The following ADGB variants were observed in gnomAD, a reference collection of about 807,000 sequenced individuals.
ADGB encodes the protein androglobin.
In ADGB, 172 loss-of-function variants were observed where a neutral mutation model predicts 210.5. The observed-to-expected ratio is 0.82, with a 90% CI of 0.72 to 0.93. The LOEUF (loss-of-function observed/expected upper bound fraction) is 0.93. ADGB is among the 40% of genes least tolerant of loss of function. The pLI, the probability that ADGB is intolerant of heterozygous loss-of-function variation, is 0.00. For synonymous variants in ADGB, 658 were observed against 662.7 expected, an observed-to-expected ratio of 0.99 and a Z score of 0.11; for missense variants, 2,025 against 1,964.8, an observed-to-expected ratio of 1.03 and a Z score of -0.58.
chr6:146,758,970 T>C (rs1263614259), intron 27 of ADGB, among the ~76,000 whole-genome samples: 1 of 152,034 alleles, frequency 6.6e-6, no homozygotes, highest in African/African-American at 2.4e-5. Context: ...AAATTGATGC[T>C]ATTAATTTGT....
Position 146,618,454 on chromosome 6 carries a change from ATTAAG to A in ADGB, c.75-16917_75-16913del, listed in dbSNP as rs776017758. On this transcript the variant is annotated intron_variant, in intron 1 of 35. Coordinates refer to ENST00000397944, the MANE Select transcript of ADGB (RefSeq NM_024694.4). Reference sequence around the variant, plus strand: ...CCTTTCTAGTTCCTTGAAGTGCATTATTAAGTTATTTGGTCTTTCTACTTTTTTGA... The same window carrying A: ...CCTTTCTAGTTCCTTGAAGTGCATTATTATTTGGTCTTTCTACTTTTTTGA... Among the ~76,000 whole-genome samples, 81 of 151,888 alleles carry A rather than the reference ATTAAG, an allele frequency of 5.3e-4. 1 individual carries two copies. Among genetic ancestry groups the A allele is most frequent in the Non-Finnish European group, 2.2e-4 (15 of 67,888 alleles).
intron 16 of ADGB, 79 bp from the exon 17 acceptor site, chr6:146,721,324 T>C (rs1339275099): frequency 3.3e-6 from 3 of 897,528 alleles, no homozygotes; most frequent in Non-Finnish European, 5.3e-6. Context: ...TTAGATGTTA[T>C]ACTATGTTTT....
chr6:146,693,856 C>A (rs572446045), intron 12 of ADGB, among the ~76,000 whole-genome samples: 2 of 152,180 alleles, frequency 1.3e-5, no homozygotes, highest in African/African-American at 4.8e-5. Flanking sequence ...CAGCCAAAGT[C>A]TTTGCCTAAC....
intron 13 of ADGB, among the ~76,000 whole-genome samples, chr6:146,708,004 T>C (rs1486403325): frequency 6.6e-6 from 1 of 152,102 alleles, no homozygotes; most frequent in Non-Finnish European, 1.5e-5. Context: ...TGTAACTTTA[T>C]GAATACCATG....
At chr6:146,786,982 G>A (rs1777883517) in intron 32 of ADGB, among the ~76,000 whole-genome samples, 1 of 152,120 alleles carries the variant, frequency 6.6e-6, no homozygotes, top group Non-Finnish European at 1.5e-5. Flanking sequence ...CAACAGTCCA[G>A]GTGAGGGAGT....
intron 14 of ADGB, among the ~76,000 whole-genome samples, chr6:146,715,727 G>T (rs1401403430): frequency 6.6e-6 from 1 of 152,082 alleles, no homozygotes; most frequent in Non-Finnish European, 1.5e-5. Flanking sequence ...ACTTGGCCAA[G>T]AATTGAATTC....
intron 33 of ADGB, among the ~76,000 whole-genome samples, chr6:146,790,355 C>T (rs112630853): frequency 3.3e-4 from 50 of 152,204 alleles, no homozygotes; most frequent in African/African-American, 1.1e-3. Context: ...TACACTATGA[C>T]CCCCCAGCCT....
chr6:146,740,464 T>C lies in ADGB; in HGVS notation c.2894T>C (p.Met965Thr), dbSNP rs757275054. ...ATTTATTTTTATATTTCTAGACTAA[T>C]GTTTAAAAGCAAGTGCAAGTCTTTG... ...EQYAVSLLRL[M>T]FKSKCKSLES... The change falls in exon 24 of 36, where the codon ATG (methionine) becomes ACG (threonine). Residue 965 changes from methionine (M) to threonine (T), a missense_variant. Transcript: ENST00000397944. 4.7e-5 allele frequency: 72 copies of C among 1,537,932 alleles called. No individual in the cohort carries two copies. The highest frequency in any genetic ancestry group is 6.1e-5 in the Non-Finnish European group (69 of 1,140,172).
intron 26 of ADGB, among the ~76,000 whole-genome samples, chr6:146,747,576 A>G (rs1375704032): frequency 6.6e-6 from 1 of 152,074 alleles, no homozygotes; most frequent in Non-Finnish European, 1.5e-5. Flanking sequence ...TTGGCATGCT[A>G]TAGTAAGTAG....
chr6:146,766,305 T>C (rs1777572341), intron 28 of ADGB, among the ~76,000 whole-genome samples: 1 of 152,010 alleles, frequency 6.6e-6, no homozygotes, highest in African/African-American at 2.4e-5. Flanking sequence ...CAGGTGTCTG[T>C]AATCCCAGCT....
chr6:146,723,259 C>A (rs939601050), intron 17 of ADGB, among the ~76,000 whole-genome samples: 6 of 152,016 alleles, frequency 3.9e-5, no homozygotes, highest in African/African-American at 1.2e-4. Flanking sequence ...AATGTTGTGA[C>A]CTTATGTCCT....
At chr6:146,655,235 A>G (rs528283817) in intron 4 of ADGB, among the ~76,000 whole-genome samples, 17 of 152,238 alleles carry the variant, frequency 1.1e-4, no homozygotes, top group East Asian at 5.8e-4. Flanking sequence ...CATGACCAGC[A>G]ATGGACATGA....
intron 1 of ADGB, among the ~76,000 whole-genome samples, chr6:146,613,885 TATAA>T (rs1377465978): frequency 1.3e-5 from 2 of 151,906 alleles, no homozygotes; most frequent in African/African-American, 4.8e-5. Flanking sequence ...ATAGCAGGTT[TATAA>T]ATAATATTTT....
intron 14 of ADGB, among the ~76,000 whole-genome samples, chr6:146,715,815 A>G (rs1334145982): frequency 6.6e-6 from 1 of 152,142 alleles, no homozygotes; most frequent in Non-Finnish European, 1.5e-5. Flanking sequence ...CACGCATGTA[A>G]TCTCAGCACT....
chr6:146,632,449 C>T (rs933032584), intron 1 of ADGB, among the ~76,000 whole-genome samples: 13 of 152,296 alleles, frequency 8.5e-5, no homozygotes, highest in African/African-American at 2.6e-4. Flanking sequence ...TTAATCACAT[C>T]TACAAGCTCC....
intron 1 of ADGB, among the ~76,000 whole-genome samples, chr6:146,606,183 A>C (rs1575374): frequency 6.6e-6 from 1 of 151,850 alleles, no homozygotes; most frequent in Non-Finnish European, 1.5e-5. Context: ...TAGTGATGTT[A>C]AATATTTTTT....
intron 30 of ADGB, 45 bp from the exon 31 acceptor site, chr6:146,784,573 G>A: frequency 7.1e-7 from 1 of 1,417,758 alleles, no homozygotes; most frequent in Non-Finnish European, 9.3e-7. Context: ...AGACCCTTTT[G>A]AAAGAAGGAA....
At chr6:146,779,820 C>A in intron 29 of ADGB, among the ~76,000 whole-genome samples, 2 of 147,932 alleles carry the variant, frequency 1.4e-5, no homozygotes, top group African/African-American at 2.5e-5. Context: ...GTTTTGAAAA[C>A]AAACTTGCCC....
At chr6:146,644,161 T>C (rs1052810415) in intron 2 of ADGB, among the ~76,000 whole-genome samples, 1 of 151,832 alleles carries the variant, frequency 6.6e-6, no homozygotes, top group Admixed American at 6.6e-5. Flanking sequence ...CTGGTTGTCA[T>C]ACTGTATTAC....
Sources: gnomAD v4.1 joint callset for allele counts (sites outside exome capture counted in the v4.1 genomes callset) on GRCh38, gnomAD v4.1.1 for gene constraint, MANE v1.5 for transcripts, NCBI Gene and HGNC (gene_info 2026-07-23, HGNC 2026-07-21) for gene names.